The following UTP18 variants were observed in gnomAD, a reference collection of about 807,000 sequenced individuals.
UTP18 encodes the protein U3 small nucleolar RNA-associated protein 18 homolog.
A neutral mutation model predicts 61.1 loss-of-function variants in UTP18; 36 were observed. That is an observed-to-expected ratio of 0.59 (90% CI 0.45 to 0.78). The LOEUF is 0.78. Among genes scored for constraint, UTP18 ranks in the 30% least tolerant of loss-of-function variants. The pLI is 0.00. For missense variants in UTP18, 753 were observed against 693.9 expected (o/e 1.09, Z -0.96); for synonymous variants, 282 against 251.1 (o/e 1.12, Z -1.16).
rs1266250711 is a variant in UTP18, at chr17:51,263,340, CAAA to C, written c.411_413del (p.Lys139del). The C allele has an allele frequency of 2.5e-6, 4 of 1,614,022 alleles. No individual in the cohort carries two copies. The highest frequency in any genetic ancestry group is 3.4e-6 in the Non-Finnish European group (4 of 1,180,020). The stretch of plus-strand genomic sequence containing the variant: ...TGAAGCAAAAGGTAATTTTCCACCT[CAAA>C]AGAAGCCAGTTTGGGTGGATGAAGA... On this transcript the variant is annotated inframe_deletion, in exon 2 of 14. Coordinates refer to ENST00000225298, the MANE Select transcript of UTP18 (RefSeq NM_016001.3).
intron 9 of UTP18, among the ~76,000 whole-genome samples, chr17:51,284,742 C>T (rs1030944412): frequency 6.6e-6 from 1 of 152,062 alleles, no homozygotes; most frequent in Non-Finnish European, 1.5e-5. Flanking sequence ...ATGCAGTTTT[C>T]TTTTGTATAT....
At chr17:51,288,649 A>G (rs2144440456) in intron 11 of UTP18, 2 of 455,918 alleles carry the variant, frequency 4.4e-6, no homozygotes, top group African/African-American at 2.0e-5. Flanking sequence ...ATAGCTAGGT[A>G]GTACCTTTGA....
At chr17:51,292,746 C>T (rs1334665085) in intron 11 of UTP18, among the ~76,000 whole-genome samples, 1 of 152,174 alleles carries the variant, frequency 6.6e-6, no homozygotes, top group Non-Finnish European at 1.5e-5. Context: ...TATTCATCCA[C>T]AAATTGGGTG....
At position 51,288,140 on chromosome 17, in the gene UTP18, C is replaced by T. The variant is rs1905160535; in HGVS notation, c.1440C>T (p.Thr480=). 5 of 1,608,462 alleles carry T rather than the reference C, an allele frequency of 3.1e-6. No homozygotes were observed. The Admixed American group carries it at 5.1e-5, about 16-fold the overall frequency. The change falls in exon 11 of 14, where the codon ACC becomes ACT. Residue 480 remains threonine, a synonymous_variant. Coordinates refer to ENST00000225298, the MANE Select transcript of UTP18 (RefSeq NM_016001.3). ...MNLVTGVTSL[T]FNPTTEILAI... ...TGGTTACAGGTGTTACTTCTCTGAC[C>T]TTCAATCCTACTACAGAAATCTTGG...
chr17:51,281,165 T>TA (rs1555555694), intron 9 of UTP18, among the ~76,000 whole-genome samples: 874 of 43,902 alleles, frequency 0.02, 3 homozygotes, highest in South Asian at 0.076. Flanking sequence ...TATATATATA[T>TA]TTTTTTTAAA....
intron 11 of UTP18, 78 bp from the exon 12 acceptor site, chr17:51,293,825 A>T (rs1052405387): frequency 8.1e-7 from 1 of 1,228,390 alleles, no homozygotes; most frequent in Non-Finnish European, 1.1e-6. Flanking sequence ...TTCAGCAGGA[A>T]GATAGAGTGA....
At chr17:51,286,978 T>TCCCCC (rs11397806) in intron 10 of UTP18, among the ~76,000 whole-genome samples, 3 of 123,520 alleles carry the variant, frequency 2.4e-5, no homozygotes, top group Admixed American at 8.4e-5. Flanking sequence ...CCCTCCCCCT[T>TCCCCC]CCCCCCCCGA....
At chr17:51,288,647 G>A (rs1049551855) in intron 11 of UTP18, 3 of 455,754 alleles carry the variant, frequency 6.6e-6, no homozygotes, top group African/African-American at 6.0e-5. Flanking sequence ...AAATAGCTAG[G>A]TAGTACCTTT....
chr17:51,296,543 A>G (rs1905372400), intron 12 of UTP18: 1 of 156,230 alleles, frequency 6.4e-6, no homozygotes, highest in Non-Finnish European at 1.4e-5. Flanking sequence ...GCAGATTCTT[A>G]TTGCACTTAG....
intron 6 of UTP18, 113 bp downstream of exon 6, chr17:51,276,104 C>A (rs1485217531): frequency 5.4e-6 from 6 of 1,105,310 alleles, no homozygotes; most frequent in Non-Finnish European, 7.5e-6. Context: ...GCTAAAACAT[C>A]ATAGCCCGAA....
intron 10 of UTP18, among the ~76,000 whole-genome samples, chr17:51,285,935 AT>A (rs979085076): frequency 6.6e-6 from 1 of 152,188 alleles, no homozygotes; most frequent in Admixed American, 6.5e-5. Context: ...ATATCATTGT[AT>A]TTTTTCCTAT....
At chr17:51,266,368 C>A in intron 3 of UTP18, 88 bp downstream of exon 3, 1 of 884,158 alleles carries the variant, frequency 1.1e-6, no homozygotes, top group Non-Finnish European at 1.6e-6. Flanking sequence ...TGTAGTTTTC[C>A]ATTTTGAAAC....
Position 51,276,011 on chromosome 17 carries a change from T to G in UTP18, c.837+20T>G. ...TTTCAGGTATGCATCTTTATTTACT[T>G]ATTTATTTCTAATGCATTATTTTTA... On this transcript the variant is annotated intron_variant, in intron 6 of 13. Transcript: ENST00000225298. The G allele has an allele frequency of 6.3e-7, 1 of 1,582,760 alleles. No individual in the cohort carries two copies. Among genetic ancestry groups the G allele is most frequent in the South Asian group, 1.2e-5 (1 of 84,798 alleles).
At chr17:51,292,668 A>G (rs935603370) in intron 11 of UTP18, among the ~76,000 whole-genome samples, 1 of 152,254 alleles carries the variant, frequency 6.6e-6, no homozygotes, top group African/African-American at 2.4e-5. Flanking sequence ...TGGGAGAGCT[A>G]GAGAACATCT....
intron 9 of UTP18, among the ~76,000 whole-genome samples, chr17:51,282,508 G>C (rs1418673080): frequency 4.7e-5 from 1 of 21,478 alleles, no homozygotes; most frequent in Non-Finnish European, 7.7e-5. Context: ...AAGGAAAGAT[G>C]GAAGGAAGGA....
chr17:51,260,931 G>A lies in UTP18; in HGVS notation c.342+5G>A, dbSNP rs1447205079. ...CGGCGTCTGCGAGGCCCGAGGGTGA[G>A]GGAGGCCGCGGCGCGCGGGCTGGGC... On this transcript the variant is annotated splice_donor_5th_base_variant and intron_variant, in intron 1 of 13. Transcript: ENST00000225298. 6.5e-7 allele frequency: 1 copy of A among 1,541,912 alleles called. No homozygotes were observed. The highest frequency in any genetic ancestry group is 8.7e-7 in the Non-Finnish European group (1 of 1,148,374).
chr17:51,270,900 A>G (rs921174074), intron 4 of UTP18, among the ~76,000 whole-genome samples: 1 of 152,228 alleles, frequency 6.6e-6, no homozygotes, highest in Non-Finnish European at 1.5e-5. Flanking sequence ...TTTGTACATG[A>G]GAGAGGTTCA....
chr17:51,276,888 C>A (rs1219465731), intron 6 of UTP18, among the ~76,000 whole-genome samples: 1 of 152,318 alleles, frequency 6.6e-6, no homozygotes, highest in Non-Finnish European at 1.5e-5. Context: ...GGCACGCCAC[C>A]TCCTCAGCAC....
At chr17:51,282,432 A>G (rs1904963857) in intron 9 of UTP18, among the ~76,000 whole-genome samples, 6 of 151,972 alleles carry the variant, frequency 3.9e-5, no homozygotes, top group Admixed American at 2.6e-4. Flanking sequence ...TTTCTATATT[A>G]TACTAGTTTT....
Sources: gnomAD v4.1 joint callset for allele counts (sites outside exome capture counted in the v4.1 genomes callset) on GRCh38, gnomAD v4.1.1 for gene constraint, MANE v1.5 for transcripts, NCBI Gene and HGNC (gene_info 2026-07-23, HGNC 2026-07-21) for gene names.